LINGO1: variants seen among roughly 807,000 people sequenced by gnomAD.
The protein encoded by LINGO1 is leucine-rich repeat and immunoglobulin-like domain-containing nogo receptor-interacting protein 1.
A neutral mutation model predicts 37.3 loss-of-function variants in LINGO1; 11 were observed. The observed-to-expected ratio is 0.29, with a 90% CI of 0.19 to 0.49. LINGO1 has a LOEUF of 0.49. Ranked by LOEUF, LINGO1 falls within the 20% of genes least tolerant of loss-of-function variation. The pLI is 0.99. For synonymous variants in LINGO1, 387 were observed against 403.0 expected (o/e 0.96, Z 0.48); for missense variants, 585 against 878.2 (o/e 0.67, Z 4.22).
At chr15:77,698,632 C>T (rs191555279), upstream of LINGO1, among the ~76,000 whole-genome samples, 91 of 152,208 alleles carry the variant, frequency 6.0e-4, no homozygotes, top group African/African-American at 1.1e-3. Context: ...TCCTCCAAGG[C>T]GGGAATGGGA....
At chr15:77,783,292 C>G (rs905419494) in intron 1 of LINGO1, among the ~76,000 whole-genome samples, 2 of 152,180 alleles carry the variant, frequency 1.3e-5, no homozygotes, top group Non-Finnish European at 2.9e-5. Context: ...AACGTTCTAG[C>G]TGCTGGGGAT....
At chr15:77,812,274 A>C (rs1381614073) in intron 1 of LINGO1, among the ~76,000 whole-genome samples, 1 of 152,088 alleles carries the variant, frequency 6.6e-6, no homozygotes, top group Non-Finnish European at 1.5e-5. Flanking sequence ...TACTGATTCC[A>C]TCCTCATGCG....
chr15:77,703,237 T>A (rs1036450882), intron 2 of LINGO1, among the ~76,000 whole-genome samples: 6 of 152,152 alleles, frequency 3.9e-5, no homozygotes, highest in African/African-American at 1.4e-4. Flanking sequence ...AGTTCCCCCA[T>A]GAAATTTTCC....
At chr15:77,778,918 G>A (rs2076687873) in intron 1 of LINGO1, among the ~76,000 whole-genome samples, 1 of 152,068 alleles carries the variant, frequency 6.6e-6, no homozygotes, top group African/African-American at 2.4e-5. Context: ...TCCAAGTTCT[G>A]GACCCATCTG....
intron 2 of LINGO1, among the ~76,000 whole-genome samples, chr15:77,728,237 T>A (rs893378274): frequency 6.6e-6 from 1 of 152,212 alleles, no homozygotes; most frequent in African/African-American, 2.4e-5. Flanking sequence ...CCTCTCCCAC[T>A]GCCTGGCAGT....
chr15:77,798,327 G>C (rs915868344), intron 1 of LINGO1, among the ~76,000 whole-genome samples: 1 of 152,216 alleles, frequency 6.6e-6, no homozygotes, highest in African/African-American at 2.4e-5. Context: ...GGCCAACCCG[G>C]GCAGCCCTGT....
chr15:77,666,185 G>A (rs900613853), intron 3 of LINGO1, among the ~76,000 whole-genome samples: 1 of 152,246 alleles, frequency 6.6e-6, no homozygotes, highest in South Asian at 2.1e-4. Context: ...TCCTGTCTAT[G>A]AGCTGAGACA....
chr15:77,711,381 A>C (rs2075916237), intron 2 of LINGO1, among the ~76,000 whole-genome samples: 2 of 152,230 alleles, frequency 1.3e-5, no homozygotes, highest in South Asian at 4.1e-4. Context: ...GATAACGAAG[A>C]TTCCATCCTC....
chr15:77,652,314 T>C (rs2074774545), intron 3 of LINGO1: 1 of 151,896 alleles, frequency 6.6e-6, no homozygotes, highest in Non-Finnish European at 1.5e-5. Flanking sequence ...CTATTATTGA[T>C]TCATTGGGTA....
intron 1 of LINGO1, among the ~76,000 whole-genome samples, chr15:77,737,636 A>G (rs990743734): frequency 1.3e-5 from 2 of 151,858 alleles, no homozygotes; most frequent in African/African-American, 2.4e-5. Context: ...AACTGCTCTT[A>G]TCAAGGTCCC....
chr15:77,746,406 T>C (rs971136922), intron 1 of LINGO1, among the ~76,000 whole-genome samples: 6 of 152,140 alleles, frequency 3.9e-5, no homozygotes, highest in Non-Finnish European at 7.4e-5. Flanking sequence ...TTTCCACCTG[T>C]CCACTTCCTG....
chr15:77,648,353 G>A (rs560751889), intron 3 of LINGO1: 1 of 160,832 alleles, frequency 6.2e-6, no homozygotes, highest in East Asian at 1.9e-4. Flanking sequence ...CCCAGCTACT[G>A]TCACACAGCC....
At chr15:77,820,277 C>T (rs2141495862) in exon 1 of LINGO1, 1 of 152,384 alleles carries the variant, frequency 6.6e-6, no homozygotes. Context: ...CCGGCCCCAC[C>T]CGGGGGCCCC....
At chr15:77,741,192 C>T (rs1182725238) in intron 1 of LINGO1, among the ~76,000 whole-genome samples, 2 of 152,226 alleles carry the variant, frequency 1.3e-5, no homozygotes, top group African/African-American at 4.8e-5. Context: ...AGGGGACACC[C>T]TGCAAAAAGC....
At chr15:77,767,720 T>C (rs1395790903) in intron 1 of LINGO1, among the ~76,000 whole-genome samples, 2 of 152,162 alleles carry the variant, frequency 1.3e-5, no homozygotes, top group African/African-American at 4.8e-5. Context: ...GGGAACCGAA[T>C]TAGTGATTTT....
intron 2 of LINGO1, among the ~76,000 whole-genome samples, chr15:77,711,331 G>T (rs955446036): frequency 6.6e-6 from 1 of 152,216 alleles, no homozygotes; most frequent in Non-Finnish European, 1.5e-5. Context: ...GAGGCATGGT[G>T]CCTGTGTCAC....
chr15:77,753,730 G>A (rs1290499965), intron 1 of LINGO1, among the ~76,000 whole-genome samples: 1 of 152,128 alleles, frequency 6.6e-6, no homozygotes. Flanking sequence ...GGGAGGAGAG[G>A]GCTGGAGGCA....
At chr15:77,663,226 T>C (rs1312385789) in intron 3 of LINGO1, among the ~76,000 whole-genome samples, 3 of 152,230 alleles carry the variant, frequency 2.0e-5, no homozygotes, top group Admixed American at 6.5e-5. Flanking sequence ...CTGGGTCACC[T>C]AGAACTGTGT....
intron 1 of LINGO1, among the ~76,000 whole-genome samples, chr15:77,783,185 C>T (rs1039829761): frequency 5.3e-5 from 8 of 152,188 alleles, no homozygotes; most frequent in East Asian, 1.9e-4. Flanking sequence ...GTTTCCCTCC[C>T]GAGCTCAGCA....
Sources: allele counts gnomAD v4.1 joint callset (sites outside exome capture counted in the v4.1 genomes callset), GRCh38; gene constraint gnomAD v4.1.1; transcripts MANE v1.5; gene names NCBI Gene and HGNC (gene_info 2026-07-23, HGNC 2026-07-21).